The following DSCAM variants were observed in gnomAD, a reference collection of about 807,000 sequenced individuals.
DSCAM encodes the protein DS cell adhesion molecule, also known as cell adhesion molecule DSCAM.
A neutral mutation model predicts 217.7 loss-of-function variants in DSCAM; 47 were observed. The observed-to-expected ratio is 0.22, with a 90% CI of 0.17 to 0.28. The LOEUF (loss-of-function observed/expected upper bound fraction) is 0.28, where lower values mean the gene tolerates loss of function less well. DSCAM is among the 10% of genes least tolerant of loss of function. The pLI is 1.00. For missense variants in DSCAM, 2,080 were observed against 2,618.3 expected (o/e 0.79, Z 4.49); for synonymous variants, 1,056 against 1,015.3 (o/e 1.04, Z -0.76).
At chr21:40,372,583 T>C (rs2074909727) in intron 3 of DSCAM, among the ~76,000 whole-genome samples, 1 of 152,214 alleles carries the variant, frequency 6.6e-6, no homozygotes, top group African/African-American at 2.4e-5. Context: ...TCTCAGAAGC[T>C]ATGTGGCATC....
At chr21:40,824,402 GA>G (rs2091952049) in intron 1 of DSCAM, among the ~76,000 whole-genome samples, 1 of 116,252 alleles carries the variant, frequency 8.6e-6, no homozygotes, top group East Asian at 2.3e-4. Flanking sequence ...TTTTATTATT[GA>G]TTTTTTTTTT....
chr21:40,643,565 G>C (rs1415594302), intron 3 of DSCAM, among the ~76,000 whole-genome samples: 2 of 152,194 alleles, frequency 1.3e-5, no homozygotes, highest in African/African-American at 2.4e-5. Flanking sequence ...AATTTGGGAT[G>C]CCGGCCAAGA....
At chr21:40,488,777 A>G (rs2076050907) in intron 3 of DSCAM, among the ~76,000 whole-genome samples, 1 of 152,136 alleles carries the variant, frequency 6.6e-6, no homozygotes, top group South Asian at 2.1e-4. Flanking sequence ...CAAATGGTTT[A>G]TTTTTCCTTG....
At chr21:40,548,427 C>A (rs962666843) in intron 3 of DSCAM, among the ~76,000 whole-genome samples, 1 of 151,922 alleles carries the variant, frequency 6.6e-6, no homozygotes, top group African/African-American at 2.4e-5. Context: ...TGCTGCAAGA[C>A]AGTAGGTGAC....
At chr21:40,251,302 C>T (rs941810570) in intron 11 of DSCAM, among the ~76,000 whole-genome samples, 2 of 152,236 alleles carry the variant, frequency 1.3e-5, no homozygotes, top group Non-Finnish European at 2.9e-5. Context: ...TTAAACAGTA[C>T]ATTCAGATGT....
chr21:40,577,003 A>T (rs2076856505), intron 3 of DSCAM, among the ~76,000 whole-genome samples: 2 of 140,640 alleles, frequency 1.4e-5, no homozygotes, highest in South Asian at 4.2e-4. Flanking sequence ...AATAAAATAA[A>T]AAAAAAAATA....
chr21:40,170,095 G>A (rs999401605), intron 15 of DSCAM, among the ~76,000 whole-genome samples: 5 of 152,042 alleles, frequency 3.3e-5, no homozygotes, highest in African/African-American at 1.2e-4. Flanking sequence ...TTCGTTCCGC[G>A]CACTCCCTAT....
At chr21:40,522,172 T>C (rs548772801) in intron 3 of DSCAM, among the ~76,000 whole-genome samples, 10 of 152,226 alleles carry the variant, frequency 6.6e-5, no homozygotes, top group South Asian at 2.1e-4. Flanking sequence ...AGGAGTGAGA[T>C]AGAAATCTTT....
chr21:40,262,908 G>A (rs1004435073), intron 11 of DSCAM, among the ~76,000 whole-genome samples: 5 of 152,192 alleles, frequency 3.3e-5, no homozygotes, highest in African/African-American at 1.2e-4. Context: ...TAATGTGCAT[G>A]CACCTTGGAG....
At chr21:40,345,902 C>T (rs758440698) in intron 6 of DSCAM, among the ~76,000 whole-genome samples, 3 of 151,688 alleles carry the variant, frequency 2.0e-5, no homozygotes, top group African/African-American at 4.8e-5. Flanking sequence ...GCTGGCGGTG[C>T]GCCTCGGCCC....
chr21:40,137,402 T>G (rs2090224415), intron 18 of DSCAM, among the ~76,000 whole-genome samples: 1 of 152,030 alleles, frequency 6.6e-6, no homozygotes. Context: ...TCATAGGCTG[T>G]GAAGGAAGGC....
chr21:40,674,588 A>G (rs966868319), intron 3 of DSCAM, among the ~76,000 whole-genome samples: 3 of 150,048 alleles, frequency 2.0e-5, no homozygotes, highest in African/African-American at 7.3e-5. Context: ...TTTGAAGTAA[A>G]TCTCAGGTAT....
chr21:40,274,494 A>G (rs1226232650), intron 11 of DSCAM, among the ~76,000 whole-genome samples: 3 of 152,194 alleles, frequency 2.0e-5, no homozygotes, highest in East Asian at 1.9e-4. Flanking sequence ...GTGTTTATGG[A>G]CTAAAAAATT....
Position 40,332,740 on chromosome 21 carries a change from T to C in DSCAM, c.1783+5361A>G, listed in dbSNP as rs528267889. ...AAACTTGCACTTCTGGATAGTTACA[T>C]ATATTTCAGAACTGCTTAAGCTTCA... On this transcript the variant is annotated intron_variant, in intron 8 of 32. Transcript: ENST00000400454. Among the ~76,000 whole-genome samples, 4 of 152,350 alleles carry C rather than the reference T, an allele frequency of 2.6e-5. No homozygotes were observed. The East Asian group carries it at 7.7e-4, about 29-fold the overall frequency.
At chr21:40,360,294 G>C (rs1044945762) in intron 4 of DSCAM, among the ~76,000 whole-genome samples, 1 of 151,622 alleles carries the variant, frequency 6.6e-6, no homozygotes, top group South Asian at 2.1e-4. Context: ...CACCACGCCC[G>C]GCTAATTTTT....
At chr21:40,285,418 G>C (rs1251478940) in intron 10 of DSCAM, among the ~76,000 whole-genome samples, 5 of 152,178 alleles carry the variant, frequency 3.3e-5, no homozygotes, top group Non-Finnish European at 7.3e-5. Flanking sequence ...ATGGGCCCCA[G>C]GGTTGACTGT....
intron 3 of DSCAM, among the ~76,000 whole-genome samples, chr21:40,611,922 C>T (rs902043733): frequency 1.3e-5 from 2 of 152,156 alleles, no homozygotes; most frequent in Admixed American, 1.3e-4. Context: ...TGGAAGATAG[C>T]TTGGCTTTAG....
At chr21:40,663,126 ATG>A (rs1396210828) in intron 3 of DSCAM, among the ~76,000 whole-genome samples, 1 of 118,972 alleles carries the variant, frequency 8.4e-6, no homozygotes, top group Non-Finnish European at 1.8e-5. Flanking sequence ...AGTGTATGTC[ATG>A]TGGTGTGTGC....
At chr21:40,076,535 C>T (rs888973770) in intron 26 of DSCAM, among the ~76,000 whole-genome samples, 3 of 152,136 alleles carry the variant, frequency 2.0e-5, no homozygotes, top group African/African-American at 7.2e-5. Context: ...AAATATGCAG[C>T]CATATTTCTT....
Sources: gnomAD v4.1 joint callset for allele counts (sites outside exome capture counted in the v4.1 genomes callset) on GRCh38, gnomAD v4.1.1 for gene constraint, MANE v1.5 for transcripts, NCBI Gene and HGNC (gene_info 2026-07-23, HGNC 2026-07-21) for gene names.